Variants in STEAP4 observed in about 807,000 individuals in gnomAD.
STEAP4 encodes the protein metalloreductase STEAP4.
A neutral mutation model predicts 43.6 loss-of-function variants in STEAP4; 36 were observed. The ratio of observed to expected loss-of-function variants is 0.83; its 90% CI spans 0.63 to 1.09. STEAP4 has a LOEUF of 1.09. Ranked by LOEUF, STEAP4 falls within the 50% of genes least tolerant of loss-of-function variation. STEAP4 has a pLI of 0.00. For synonymous variants in STEAP4, 191 were observed against 196.7 expected (o/e 0.97, Z 0.24); for missense variants, 495 against 546.5 (o/e 0.91, Z 0.94).
intron 2 of STEAP4, 154 bp downstream of exon 2, chr7:88,283,659 TG>T (rs1852669987): frequency 1.2e-6 from 1 of 816,932 alleles, no homozygotes; most frequent in East Asian, 2.7e-5. Flanking sequence ...CCACCTTATT[TG>T]GTCAAGCTCA....
Position 88,273,213 on chromosome 7 carries a change from T to C in STEAP4, c.*6185A>G, listed in dbSNP as rs1852463116. 1 of 152,226 alleles carries C rather than the reference T, an allele frequency of 6.6e-6. No individual in the cohort carries two copies. The highest frequency in any genetic ancestry group is 1.5e-5 in the Non-Finnish European group (1 of 68,040). 9.4% of individuals were successfully genotyped at this position (152,226 alleles called of 1,614,324 possible). A position where few individuals can be genotyped will look rare whatever the true frequency, so the allele number is the denominator to read the frequency against. The stretch of plus-strand genomic sequence containing the variant: ...GCTATGGAACACTAAAACTTATTTA[T>C]TTTGCTGTAATGAAATGAGAACAGG... On this transcript the variant is annotated 3_prime_UTR_variant, in exon 5 of 5. Coordinates refer to ENST00000380079, the MANE Select transcript of STEAP4 (RefSeq NM_024636.4).
chr7:88,275,718 TTACACCTTAATTTTGGAACAGAGTTCCA>T lies in STEAP4; in HGVS notation c.*3652_*3679del, dbSNP rs1852504647. 2.6e-5 allele frequency: 4 copies of T among 151,796 alleles called. No homozygotes were observed. In the South Asian group the frequency reaches 8.3e-4, roughly 32 times the overall value. The allele number at this position is 151,796 out of a possible 1,614,324, so 9.4% of individuals were successfully genotyped here. On this transcript the variant is annotated 3_prime_UTR_variant, in exon 5 of 5. Transcript: ENST00000380079. ...ACTGTGTGCAGTACCATGACTGCCATTACACCTTAATTTTGGAACAGAGTTCCAGAAGCTTTTATGCTCTCAGAGGTGA... is the reference window on the plus strand; with the variant it reads ...ACTGTGTGCAGTACCATGACTGCCATGAAGCTTTTATGCTCTCAGAGGTGA...
At chr7:88,303,900 C>A (rs542845297) in intron 1 of STEAP4, 1 of 152,216 alleles carries the variant, frequency 6.6e-6, no homozygotes, top group African/African-American at 2.4e-5. Context: ...AACAAAAGGA[C>A]AAATACTAAT....
chr7:88,280,930 C>T lies in STEAP4; in HGVS notation c.1134G>A (p.Glu378=), dbSNP rs770459255. The T allele has an allele frequency of 1.2e-6, 2 of 1,604,572 alleles. No individual in the cohort carries two copies. The highest frequency in any genetic ancestry group is 1.7e-5 in the Admixed American group (1 of 58,152). The part of the protein sequence containing the change: ...PSVSNAVNWR[E]FRFVQSKLGY... The stretch of plus-strand genomic sequence containing the variant: ...AAGTTCTTACCTGGACAAATCGGAA[C>T]TCTCTCCAGTTGACTGCATTGCTAA... The change falls in exon 4 of 5, where the codon GAG becomes GAA. Residue 378 remains glutamate (E), a synonymous_variant. Coordinates refer to ENST00000380079, the MANE Select transcript of STEAP4 (RefSeq NM_024636.4).
chr7:88,279,752 CTT>C (rs1852585756), intron 4 of STEAP4, 124 bp from the exon 5 acceptor site: 17 of 763,660 alleles, frequency 2.2e-5, no homozygotes, highest in Middle Eastern at 3.7e-4. Context: ...GTTTAGGACA[CTT>C]TGCCAAGTAC....
At chr7:88,299,006 C>G (rs895273995) in intron 1 of STEAP4, among the ~76,000 whole-genome samples, 3 of 152,092 alleles carry the variant, frequency 2.0e-5, no homozygotes, top group African/African-American at 7.2e-5. Flanking sequence ...AGAGATGTAT[C>G]CTACATGAAT....
intron 1 of STEAP4, among the ~76,000 whole-genome samples, chr7:88,295,983 G>A (rs1430559343): frequency 6.6e-6 from 1 of 152,076 alleles, no homozygotes; most frequent in African/African-American, 2.4e-5. Flanking sequence ...GGCAAAATGA[G>A]TATGTTTTGA....
chr7:88,285,670 G>T (rs1469481398), intron 1 of STEAP4, among the ~76,000 whole-genome samples: 1 of 150,116 alleles, frequency 6.7e-6, no homozygotes. Flanking sequence ...ACAAAAATTA[G>T]CTGGGTGTGT....
chr7:88,288,804 T>G (rs1852785290), intron 1 of STEAP4, among the ~76,000 whole-genome samples: 2 of 152,024 alleles, frequency 1.3e-5, no homozygotes, highest in Non-Finnish European at 2.9e-5. Flanking sequence ...CACAGTAAAA[T>G]ATTCTTAATA....
chr7:88,282,979 AAAAC>A lies in STEAP4; in HGVS notation c.642_645del (p.Leu214PhefsTer6). ...ATTACGTCTCTTATAACACAATAGA[AAAAC>A]AAGAAGACACACAGCACAGCAGACA... On this transcript the variant is annotated frameshift_variant, in exon 3 of 5. Coordinates refer to ENST00000380079, the MANE Select transcript of STEAP4 (RefSeq NM_024636.4). LOFTEE classifies it high-confidence loss of function. The A allele has an allele frequency of 6.2e-7, 1 of 1,613,588 alleles. No homozygotes were observed. Among genetic ancestry groups the A allele is most frequent in the East Asian group, 2.2e-5 (1 of 44,872 alleles).
Position 88,275,443 on chromosome 7 carries a change from C to T in STEAP4, c.*3955G>A, listed in dbSNP as rs1238133721. 1 of 152,188 alleles carries T rather than the reference C, an allele frequency of 6.6e-6. No individual in the cohort carries two copies. The highest frequency in any genetic ancestry group is 1.5e-5 in the Non-Finnish European group (1 of 68,064). The allele number at this position is 152,188 out of a possible 1,614,324, so 9.4% of individuals were successfully genotyped here. ...CTATTGAAGATGGAGTCACCTGGTC[C>T]AAATGCTTCTGATACATTGAAGAGT... is the stretch of plus-strand genomic sequence containing the variant. On this transcript the variant is annotated 3_prime_UTR_variant, in exon 5 of 5. Coordinates refer to ENST00000380079, the MANE Select transcript of STEAP4 (RefSeq NM_024636.4).
rs1294162947 is a variant in STEAP4, at chr7:88,277,386, C to T, written c.*2012G>A. 6.6e-6 allele frequency: 1 copy of T among 152,130 alleles called. No homozygotes were observed. Among genetic ancestry groups the T allele is most frequent in the Non-Finnish European group, 1.5e-5 (1 of 68,030 alleles). The allele number at this position is 152,130 out of a possible 1,614,324, so 9.4% of individuals were successfully genotyped here. On this transcript the variant is annotated 3_prime_UTR_variant, in exon 5 of 5. Transcript: ENST00000380079. Reference sequence around the variant, plus strand: ...ATCTACAATGGTGCGATGAAAGCAACACCCTCATCCAATGGTAATTAAATT... The same window carrying T: ...ATCTACAATGGTGCGATGAAAGCAATACCCTCATCCAATGGTAATTAAATT...
At chr7:88,306,721 C>T (rs1464505893) in intron 1 of STEAP4, 71 bp downstream of exon 1, 1 of 152,566 alleles carries the variant, frequency 6.6e-6, no homozygotes, top group African/African-American at 2.4e-5. Flanking sequence ...GGAGTGGGGT[C>T]CTAGCAGCAG....
chr7:88,301,838 A>G (rs1853040195), intron 1 of STEAP4, among the ~76,000 whole-genome samples: 1 of 152,220 alleles, frequency 6.6e-6, no homozygotes, highest in Non-Finnish European at 1.5e-5. Context: ...AGCCTCCCAC[A>G]GTGCTGGGAT....
rs1469016223 is a variant in STEAP4, at chr7:88,271,883, A to G, written c.*7515T>C. ...GCCCATCTACTAGGTGAGAAATGGT[A>G]TTGATACAGTTACAATTTTCATGCG... On this transcript the variant is annotated 3_prime_UTR_variant, in exon 5 of 5. Coordinates refer to ENST00000380079, the MANE Select transcript of STEAP4 (RefSeq NM_024636.4). 1 of 152,212 alleles carries G rather than the reference A, an allele frequency of 6.6e-6. No individual in the cohort carries two copies. The highest frequency in any genetic ancestry group is 1.5e-5 in the Non-Finnish European group (1 of 68,038). The allele number at this position is 152,212 out of a possible 1,614,324, so 9.4% of individuals were successfully genotyped here. A position where few individuals can be genotyped will look rare whatever the true frequency, so the allele number is the denominator to read the frequency against.
At chr7:88,306,607 A>C (rs1180030514) in intron 1 of STEAP4, among the ~76,000 whole-genome samples, 185 bp downstream of exon 1, 1 of 152,242 alleles carries the variant, frequency 6.6e-6, no homozygotes, top group Non-Finnish European at 1.5e-5. Flanking sequence ...AGGAAGTTAG[A>C]AGCTTGCTGA....
At chr7:88,286,397 A>G (rs1852734583) in intron 1 of STEAP4, among the ~76,000 whole-genome samples, 1 of 152,246 alleles carries the variant, frequency 6.6e-6, no homozygotes, top group African/African-American at 2.4e-5. Flanking sequence ...AATACATTAA[A>G]TAAGCCTAAT....
At position 88,283,807 on chromosome 7, in the gene STEAP4, T is replaced by C. The variant is rs1294934199; in HGVS notation, c.456+7A>G. On this transcript the variant is annotated splice_region_variant and intron_variant, in intron 2 of 4. Coordinates refer to ENST00000380079, the MANE Select transcript of STEAP4 (RefSeq NM_024636.4). ...TAAAGATTGAGTGTAAATTTGTTTA[T>C]TCTTACCTGCCGACTTGCATCCAGT... 4 of 1,607,248 alleles carry C rather than the reference T, an allele frequency of 2.5e-6. No homozygotes were observed. Among genetic ancestry groups the C allele is most frequent in the Non-Finnish European group, 2.6e-6 (3 of 1,175,730 alleles).
At chr7:88,299,322 G>C (rs776072937) in intron 1 of STEAP4, among the ~76,000 whole-genome samples, 2 of 152,196 alleles carry the variant, frequency 1.3e-5, no homozygotes, top group Non-Finnish European at 2.9e-5. Flanking sequence ...TTCATTATCT[G>C]CTGTCCAAGC....
Sources: gnomAD v4.1 joint callset for allele counts (sites outside exome capture counted in the v4.1 genomes callset) on GRCh38, gnomAD v4.1.1 for gene constraint, MANE v1.5 for transcripts, NCBI Gene and HGNC (gene_info 2026-07-23, HGNC 2026-07-21) for gene names.